ERGIC1: variants seen among roughly 807,000 people sequenced by gnomAD.
The protein encoded by ERGIC1 is endoplasmic reticulum-golgi intermediate compartment 1, also known as endoplasmic reticulum-Golgi intermediate compartment protein 1.
A neutral mutation model predicts 38.3 loss-of-function variants in ERGIC1; 19 were observed. The observed-to-expected ratio is 0.50, with a 90% CI of 0.35 to 0.73. The LOEUF (loss-of-function observed/expected upper bound fraction) is 0.73. Among genes scored for constraint, ERGIC1 ranks in the 30% least tolerant of loss-of-function variants. The pLI is 0.01. For synonymous variants in ERGIC1, 124 were observed against 157.6 expected, an observed-to-expected ratio of 0.79 and a Z score of 1.60; for missense variants, 294 against 389.2, an observed-to-expected ratio of 0.76 and a Z score of 2.06.
At chr5:172,950,021 T>C (rs957261199) in intron 9 of ERGIC1, among the ~76,000 whole-genome samples, 5 of 151,886 alleles carry the variant, frequency 3.3e-5, no homozygotes, top group African/African-American at 4.8e-5. Flanking sequence ...TGCAGTGAGC[T>C]GAGATCACGC....
At chr5:172,836,619 C>T (rs577085222) in intron 1 of ERGIC1, among the ~76,000 whole-genome samples, 2 of 152,308 alleles carry the variant, frequency 1.3e-5, no homozygotes, top group East Asian at 3.9e-4. Flanking sequence ...CACCTTCCTC[C>T]GCTTCAGTGT....
intron 5 of ERGIC1, among the ~76,000 whole-genome samples, chr5:172,919,109 T>C (rs1763448128): frequency 6.6e-6 from 1 of 152,180 alleles, no homozygotes; most frequent in Admixed American, 6.5e-5. Context: ...CCGCCGTTGG[T>C]GGCCCATGTT....
At chr5:172,878,796 A>ACACACG (rs1189409280) in intron 1 of ERGIC1, among the ~76,000 whole-genome samples, 1 of 152,084 alleles carries the variant, frequency 6.6e-6, no homozygotes, top group East Asian at 1.9e-4. Flanking sequence ...GTGCCCCCCA[A>ACACACG]CACACATACA....
Position 172,914,432 on chromosome 5 carries a change from G to A in ERGIC1, c.251-282G>A, listed in dbSNP as rs1441815773. 7.5e-6 allele frequency: 4 copies of A among 535,712 alleles called. No individual in the cohort carries two copies. In the African/African-American group the frequency reaches 7.6e-5, roughly 10 times the overall value. 33.2% of individuals were successfully genotyped at this position (535,712 alleles called of 1,614,324 possible). On this transcript the variant is annotated intron_variant, in intron 4 of 9. Coordinates refer to ENST00000393784, the MANE Select transcript of ERGIC1 (RefSeq NM_001031711.3). ...ACAGAGAAAGAAACTGAGGCATCCA[G>A]AGGTTAAGTACCTGAGGCAGGACCC...
chr5:172,846,685 G>A lies in ERGIC1; in HGVS notation c.20+12252G>A, dbSNP rs185029493. Among the ~76,000 whole-genome samples the A allele has an allele frequency of 1.2e-4, 19 of 152,322 alleles. No individual in the cohort carries two copies. Among genetic ancestry groups the A allele is most frequent in the African/African-American group, 1.7e-4 (7 of 41,572 alleles). ...AAGGAATAGGAAGGTTTCTCCTGGCGCAGGAAAGTGTTTTAAGAGGTGAGC... is the reference window on the plus strand; with the variant it reads ...AAGGAATAGGAAGGTTTCTCCTGGCACAGGAAAGTGTTTTAAGAGGTGAGC... On this transcript the variant is annotated intron_variant, in intron 1 of 9. Coordinates refer to ENST00000393784, the MANE Select transcript of ERGIC1 (RefSeq NM_001031711.3). This position sits in a 1 kb window ranked among gnomAD's most constrained non-coding sequence, Gnocchi z 4.0.
intron 3 of ERGIC1, among the ~76,000 whole-genome samples, chr5:172,903,766 A>C (rs539261539): frequency 1.3e-5 from 2 of 152,140 alleles, no homozygotes; most frequent in South Asian, 2.1e-4. Context: ...CATCTGGGGA[A>C]ACTGATGGAT....
chr5:172,909,708 G>A lies in ERGIC1; in HGVS notation c.197G>A (p.Gly66Asp), dbSNP rs1334636887. 6.2e-7 allele frequency: 1 copy of A among 1,614,126 alleles called. No homozygotes were observed. Among genetic ancestry groups the A allele is most frequent in the Non-Finnish European group, 8.5e-7 (1 of 1,180,056 alleles). ...GTCGATGACCCAGACAAGGACAGCGGTGGCAAGATCGACGTCAGTCTGAAC... is the reference window on the plus strand; with the variant it reads ...GTCGATGACCCAGACAAGGACAGCGATGGCAAGATCGACGTCAGTCTGAAC... ...LYVDDPDKDS[G>D]GKIDVSLNIS... The change falls in exon 4 of 10, where the codon GGT becomes GAT. Residue 66 changes from glycine to aspartate, a missense_variant. Coordinates refer to ENST00000393784, the MANE Select transcript of ERGIC1 (RefSeq NM_001031711.3).
chr5:172,889,055 C>T (rs766048082), intron 2 of ERGIC1, among the ~76,000 whole-genome samples: 9 of 152,130 alleles, frequency 5.9e-5, no homozygotes, highest in African/African-American at 1.2e-4. Flanking sequence ...GAGGCCAAGG[C>T]GGGTGGATCA....
At chr5:172,908,963 A>T (rs1763131158) in intron 3 of ERGIC1, among the ~76,000 whole-genome samples, 1 of 152,136 alleles carries the variant, frequency 6.6e-6, no homozygotes, top group Admixed American at 6.5e-5. Context: ...CTGATCCCTT[A>T]TAAGACCCCT....
At position 172,834,778 on chromosome 5, in the gene ERGIC1, T is replaced by C. The variant is rs1760993982; in HGVS notation, c.20+345T>C. ...AGCCCATAACACCCCAGCATCCCTC[T>C]CCTCCCTCTACTGAGCCTCCTTGGT... On this transcript the variant is annotated intron_variant, in intron 1 of 9. Coordinates refer to ENST00000393784, the MANE Select transcript of ERGIC1 (RefSeq NM_001031711.3). This position sits in a 1 kb window ranked among gnomAD's most constrained non-coding sequence, Gnocchi z 4.1. Among the ~76,000 whole-genome samples the C allele has an allele frequency of 6.6e-6, 1 of 151,572 alleles. No homozygotes were observed. Among genetic ancestry groups the C allele is most frequent in the African/African-American group, 2.4e-5 (1 of 41,126 alleles).
chr5:172,935,052 T>C, intron 8 of ERGIC1, 136 bp from the exon 9 acceptor site: 5 of 1,253,756 alleles, frequency 4.0e-6, no homozygotes, highest in South Asian at 1.3e-5. Flanking sequence ...AGAGAGGGAG[T>C]GGGGGAGTCT....
rs1761275054 is a variant in ERGIC1 at position 172,846,027 on chromosome 5, G to A, written c.20+11594G>A. ...TGTCCCCAGCCTGGGTTTGTCTGAT[G>A]TTTCTTCCTAAGTGGACAGGGTTAT... On this transcript the variant is annotated intron_variant, in intron 1 of 9. Coordinates refer to ENST00000393784, the MANE Select transcript of ERGIC1 (RefSeq NM_001031711.3). This position sits in a 1 kb window ranked among gnomAD's most constrained non-coding sequence, Gnocchi z 4.0. 6.6e-6 allele frequency among the ~76,000 whole-genome samples: 1 copy of A among 152,146 alleles called. No individual in the cohort carries two copies. Among genetic ancestry groups the A allele is most frequent in the African/African-American group, 2.4e-5 (1 of 41,436 alleles).
chr5:172,899,511 T>A (rs1762818078), intron 3 of ERGIC1, among the ~76,000 whole-genome samples: 1 of 152,026 alleles, frequency 6.6e-6, no homozygotes, highest in Non-Finnish European at 1.5e-5. Flanking sequence ...GAGACAGCCT[T>A]TCACCATTTT....
chr5:172,928,457 C>T (rs751974750), intron 7 of ERGIC1, among the ~76,000 whole-genome samples: 4 of 152,200 alleles, frequency 2.6e-5, no homozygotes, highest in East Asian at 1.9e-4. Flanking sequence ...CAAACGCCAC[C>T]GTCTCCAAGA....
intron 9 of ERGIC1, among the ~76,000 whole-genome samples, chr5:172,946,541 C>T (rs972341049): frequency 6.6e-6 from 1 of 152,220 alleles, no homozygotes; most frequent in Non-Finnish European, 1.5e-5. Flanking sequence ...CCAAGGCAGA[C>T]ACACCACCTG....
At chr5:172,857,482 C>T (rs1761579135) in intron 1 of ERGIC1, among the ~76,000 whole-genome samples, 1 of 152,140 alleles carries the variant, frequency 6.6e-6, no homozygotes, top group Non-Finnish European at 1.5e-5. Context: ...CAGCAATGAA[C>T]AGTCACAGCT....
chr5:172,880,477 C>T (rs2094791417), intron 1 of ERGIC1, among the ~76,000 whole-genome samples: 1 of 151,778 alleles, frequency 6.6e-6, no homozygotes, highest in South Asian at 2.1e-4. Context: ...AGGCGACCAC[C>T]ACCACACCCA....
At chr5:172,871,044 A>C (rs1462979368) in intron 1 of ERGIC1, among the ~76,000 whole-genome samples, 3 of 152,230 alleles carry the variant, frequency 2.0e-5, no homozygotes, top group Non-Finnish European at 4.4e-5. Flanking sequence ...CAATAGTATT[A>C]ATGAGGCAGT....
At chr5:172,873,249 C>T (rs1762061878) in intron 1 of ERGIC1, among the ~76,000 whole-genome samples, 1 of 152,240 alleles carries the variant, frequency 6.6e-6, no homozygotes, top group Admixed American at 6.5e-5. Flanking sequence ...GAGGCCGTGT[C>T]CTGTTTCCAG....
Sources: gnomAD v4.1 joint callset for allele counts (sites outside exome capture counted in the v4.1 genomes callset) on GRCh38, gnomAD v4.1.1 for gene constraint, Gnocchi (gnomAD v3.1) non-coding constraint, MANE v1.5 for transcripts, NCBI Gene and HGNC (gene_info 2026-07-23, HGNC 2026-07-21) for gene names.